Variants in PDGFD observed in about 807,000 individuals in gnomAD.
The protein encoded by PDGFD is platelet derived growth factor D, also known as platelet-derived growth factor D.
Under a neutral mutation model 44.7 loss-of-function variants are expected in PDGFD, and 30 were observed. The ratio of observed to expected loss-of-function variants is 0.67; its 90% CI spans 0.50 to 0.91. The LOEUF (loss-of-function observed/expected upper bound fraction) is 0.91, where lower values mean the gene tolerates loss of function less well. Among genes scored for constraint, PDGFD ranks in the 40% least tolerant of loss-of-function variants. The probability of loss-of-function intolerance (pLI) is 0.00; values close to 1 mark genes in which losing one functional copy is unlikely to be tolerated. For missense variants in PDGFD, 445 were observed against 457.8 expected, an observed-to-expected ratio of 0.97 and a Z score of 0.25; for synonymous variants, 173 against 168.4, an observed-to-expected ratio of 1.03 and a Z score of -0.21.
At chr11:104,100,887 G>C (rs999506646) in intron 1 of PDGFD, among the ~76,000 whole-genome samples, 1 of 152,042 alleles carries the variant, frequency 6.6e-6, no homozygotes, top group African/African-American at 2.4e-5. Flanking sequence ...AAAGGCCTTT[G>C]ACAAAATTTT....
chr11:104,150,214 A>G (rs1420636019), intron 1 of PDGFD, among the ~76,000 whole-genome samples: 2 of 152,234 alleles, frequency 1.3e-5, no homozygotes, highest in African/African-American at 2.4e-5. Context: ...ATTTTATAAT[A>G]TAATGAAATA....
chr11:103,960,168 A>G (rs1379074122), intron 3 of PDGFD, among the ~76,000 whole-genome samples: 2 of 152,188 alleles, frequency 1.3e-5, no homozygotes, highest in African/African-American at 2.4e-5. Context: ...ATATTCATCC[A>G]AACCAAATAC....
chr11:104,058,793 C>G (rs528404209), intron 1 of PDGFD, among the ~76,000 whole-genome samples: 124 of 152,320 alleles, frequency 8.1e-4, no homozygotes, highest in African/African-American at 2.6e-3. Flanking sequence ...TGGAAAACCT[C>G]TCACAATAAA....
intron 1 of PDGFD, among the ~76,000 whole-genome samples, chr11:104,026,715 C>T (rs1020664831): frequency 6.6e-6 from 1 of 152,204 alleles, no homozygotes; most frequent in Admixed American, 6.5e-5. Flanking sequence ...CCAAATGACT[C>T]TGGGCATTCA....
At chr11:103,917,684 G>A (rs1161880126) in intron 6 of PDGFD, among the ~76,000 whole-genome samples, 1 of 151,962 alleles carries the variant, frequency 6.6e-6, no homozygotes, top group African/African-American at 2.4e-5. Flanking sequence ...TTCTAAAGGA[G>A]GATAAGTACC....
rs933008989 is a variant in PDGFD at position 103,969,509 on chromosome 11, G to A, written c.511-21785C>T. ...TTTTTTTTTTTTTTTCCTGGAAGTG[G>A]TTGAGGTATCACCCTTAACATGAAT... On this transcript the variant is annotated intron_variant, in intron 3 of 6. Coordinates refer to ENST00000393158, the MANE Select transcript of PDGFD (RefSeq NM_025208.5). Among the ~76,000 whole-genome samples, 32 of 129,752 alleles carry A rather than the reference G, an allele frequency of 2.5e-4. 1 individual carries two copies. The Admixed American group carries it at 2.5e-3, about 10-fold the overall frequency. 85.1% of individuals were successfully genotyped at this position (129,752 alleles called of 152,430 possible).
At chr11:104,035,041 T>C (rs1246499602) in intron 1 of PDGFD, among the ~76,000 whole-genome samples, 1 of 152,128 alleles carries the variant, frequency 6.6e-6, no homozygotes, top group Non-Finnish European at 1.5e-5. Context: ...GACAGCCTTG[T>C]ATGTGTGTGT....
chr11:104,136,909 T>C (rs1862013592), intron 1 of PDGFD, among the ~76,000 whole-genome samples: 1 of 152,220 alleles, frequency 6.6e-6, no homozygotes, highest in Admixed American at 6.5e-5. Context: ...CATTTTACTA[T>C]CATACATCAT....
chr11:103,936,515 C>T (rs1591083787), intron 5 of PDGFD, among the ~76,000 whole-genome samples: 2 of 152,186 alleles, frequency 1.3e-5, no homozygotes, highest in East Asian at 1.9e-4. Context: ...GAACTCAGAA[C>T]GAATGAAAAC....
chr11:103,969,945 CAG>C (rs1317013481), intron 3 of PDGFD, among the ~76,000 whole-genome samples: 3 of 151,962 alleles, frequency 2.0e-5, no homozygotes, highest in African/African-American at 4.8e-5. Flanking sequence ...TAAAACAATA[CAG>C]AGTTTCCCTA....
chr11:103,993,055 T>TTTTGTTTG (rs143505931), intron 3 of PDGFD, among the ~76,000 whole-genome samples: 9 of 151,468 alleles, frequency 5.9e-5, no homozygotes, highest in South Asian at 2.1e-4. Flanking sequence ...CGTGTGCTGT[T>TTTTGTTTG]TTTGTTTGTT....
At chr11:103,948,268 T>G in intron 3 of PDGFD, among the ~76,000 whole-genome samples, 1 of 152,190 alleles carries the variant, frequency 6.6e-6, no homozygotes, top group East Asian at 1.9e-4. Context: ...AAGGGGTTGT[T>G]CCTGACTATA....
intron 1 of PDGFD, among the ~76,000 whole-genome samples, chr11:104,068,943 C>A (rs1860833786): frequency 6.6e-6 from 1 of 152,114 alleles, no homozygotes; most frequent in African/African-American, 2.4e-5. Context: ...GCAAGCAATT[C>A]TTTTGCACAC....
At chr11:103,936,972 A>G (rs1858498490) in intron 5 of PDGFD, among the ~76,000 whole-genome samples, 1 of 150,560 alleles carries the variant, frequency 6.6e-6, no homozygotes, top group Non-Finnish European at 1.5e-5. Context: ...AACTACAGGT[A>G]TATGCTTCAC....
Position 103,994,995 on chromosome 11 carries a change from C to G in PDGFD, c.510+1070G>C, listed in dbSNP as rs1200914852. ...CCTGGGCTCAACAATTCTCCTGCCT[C>G]AGCTTCCCCAGTAGCTGGGACTGTA... On this transcript the variant is annotated intron_variant, in intron 3 of 6. Coordinates refer to ENST00000393158, the MANE Select transcript of PDGFD (RefSeq NM_025208.5). Among the ~76,000 whole-genome samples the G allele has an allele frequency of 2.0e-5, 3 of 151,758 alleles. No individual in the cohort carries two copies. The East Asian group carries it at 5.8e-4, about 29-fold the overall frequency.
At chr11:103,927,202 G>A in intron 5 of PDGFD, 76 bp from the exon 6 acceptor site, 13 of 1,309,894 alleles carry the variant, frequency 9.9e-6, no homozygotes, top group Non-Finnish European at 1.4e-5. Context: ...TTGGGGAATA[G>A]AGTGGGAAGA....
At chr11:104,150,444 C>T (rs10750686) in intron 1 of PDGFD, among the ~76,000 whole-genome samples, 61,811 of 152,012 alleles carry the variant, frequency 0.41, 12,648 homozygotes, top group East Asian at 0.56. Context: ...ACAAACTATG[C>T]AGTTCAACTA....
At chr11:104,037,711 A>G (rs755126475) in intron 1 of PDGFD, 15 of 1,614,100 alleles carry the variant, frequency 9.3e-6, no homozygotes, top group Non-Finnish European at 1.3e-5. Context: ...GGGCACACAG[A>G]GAATTATTGG....
At chr11:104,119,196 A>T (rs373814263) in intron 1 of PDGFD, among the ~76,000 whole-genome samples, 1 of 4,814 alleles carries the variant, frequency 2.1e-4, no homozygotes, top group African/African-American at 7.5e-4. Context: ...TATTGATATA[A>T]TATATAATAT....
Sources: allele counts gnomAD v4.1 joint callset (sites outside exome capture counted in the v4.1 genomes callset), GRCh38; gene constraint gnomAD v4.1.1; transcripts MANE v1.5; gene names NCBI Gene and HGNC (gene_info 2026-07-23, HGNC 2026-07-21).